Variants in CSMD1 observed in about 807,000 individuals in gnomAD.
CSMD1 encodes the protein CUB and Sushi multiple domains 1, also known as CUB and sushi domain-containing protein 1.
In CSMD1, 213 loss-of-function variants were observed where a neutral mutation model predicts 417.5. The ratio of observed to expected loss-of-function variants is 0.51; its 90% confidence interval spans 0.46 to 0.57. The LOEUF (loss-of-function observed/expected upper bound fraction) is 0.57. Among genes scored for constraint, CSMD1 ranks in the 20% least tolerant of loss-of-function variants. The pLI is 0.00. For synonymous variants in CSMD1, 2,862 were observed against 1,736.8 expected, an observed-to-expected ratio of 1.65 and a Z score of -16.11; for missense variants, 6,923 against 4,529.7, an observed-to-expected ratio of 1.53 and a Z score of -15.17.
chr8:3,187,118 G>C (rs1303333874), intron 36 of CSMD1, among the ~76,000 whole-genome samples: 1 of 152,174 alleles, frequency 6.6e-6, no homozygotes, highest in Non-Finnish European at 1.5e-5. Context: ...AGGAAATGTG[G>C]GCAACTGTGA....
intron 2 of CSMD1, among the ~76,000 whole-genome samples, chr8:4,606,763 T>A (rs1022528354): frequency 3.9e-5 from 6 of 152,204 alleles, no homozygotes; most frequent in African/African-American, 1.4e-4. Flanking sequence ...GAAGGGATAG[T>A]AAATTTTCAA....
intron 5 of CSMD1, among the ~76,000 whole-genome samples, chr8:3,794,238 C>T (rs960030429): frequency 2.0e-5 from 3 of 152,196 alleles, no homozygotes; most frequent in East Asian, 1.9e-4. Context: ...TCCTGTTCTA[C>T]GCAGTTGAGA....
intron 51 of CSMD1, among the ~76,000 whole-genome samples, chr8:3,024,047 A>C (rs932924442): frequency 6.6e-6 from 1 of 152,118 alleles, no homozygotes; most frequent in African/African-American, 2.4e-5. Flanking sequence ...CTTTTAATTA[A>C]GGAATTAAAT....
At chr8:4,104,612 G>C (rs929766906) in intron 3 of CSMD1, among the ~76,000 whole-genome samples, 7 of 151,976 alleles carry the variant, frequency 4.6e-5, no homozygotes, top group East Asian at 1.9e-4. Flanking sequence ...GTCTGAATTA[G>C]AGTGTCTGGA....
rs991804374 is a variant in CSMD1 at position 4,197,868 on chromosome 8, G to C, written c.416-165769C>G. On this transcript the variant is annotated intron_variant, in intron 3 of 69. Coordinates refer to ENST00000635120, the MANE Select transcript of CSMD1 (RefSeq NM_033225.6). Reference sequence around the variant, plus strand: ...CACTCCAGCCTGGGCAACAGAGTAAGACTCCATCTAAAAGTTAAGAAGAAA... The same window carrying C: ...CACTCCAGCCTGGGCAACAGAGTAACACTCCATCTAAAAGTTAAGAAGAAA... Among the ~76,000 whole-genome samples, 12 of 152,106 alleles carry C rather than the reference G, an allele frequency of 7.9e-5. 1 individual carries two copies. The highest frequency in any genetic ancestry group is 1.6e-4 in the Non-Finnish European group (11 of 68,024).
intron 12 of CSMD1, among the ~76,000 whole-genome samples, chr8:3,416,577 G>A (rs1476901161): frequency 6.6e-6 from 1 of 152,206 alleles, no homozygotes; most frequent in African/African-American, 2.4e-5. Context: ...TAGCACGCTT[G>A]CTTGTTTCCT....
chr8:4,779,279 T>G (rs1232767664), intron 1 of CSMD1, among the ~76,000 whole-genome samples: 1 of 151,812 alleles, frequency 6.6e-6, no homozygotes, highest in Non-Finnish European at 1.5e-5. Context: ...CTTCCATGTA[T>G]AGGGGTTTTA....
intron 57 of CSMD1, among the ~76,000 whole-genome samples, chr8:2,969,507 G>C (rs890032120): frequency 6.6e-6 from 1 of 152,062 alleles, no homozygotes; most frequent in Non-Finnish European, 1.5e-5. Context: ...AATTTAAAAA[G>C]ATTTTTCGTT....
intron 26 of CSMD1, among the ~76,000 whole-genome samples, chr8:3,240,318 C>A (rs1311108459): frequency 1.3e-5 from 2 of 151,972 alleles, no homozygotes; most frequent in African/African-American, 4.8e-5. Flanking sequence ...GACTTAGGAT[C>A]TATGGGGTCA....
chr8:4,118,007 A>G (rs1802258665), intron 3 of CSMD1, among the ~76,000 whole-genome samples: 1 of 151,814 alleles, frequency 6.6e-6, no homozygotes, highest in African/African-American at 2.4e-5. Flanking sequence ...GAAATGACAT[A>G]GGTAAAAAAA....
chr8:4,522,276 C>T (rs1480390661), intron 2 of CSMD1, among the ~76,000 whole-genome samples: 5 of 152,190 alleles, frequency 3.3e-5, no homozygotes, highest in East Asian at 1.9e-4. Flanking sequence ...ACTTGCTCCT[C>T]CTTGCCTTCT....
In CSMD1 at chr8:4,108,776, A is replaced by G. The variant is rs115067053; in HGVS notation, c.416-76677T>C. Among the ~76,000 whole-genome samples, 849 of 152,354 alleles carry G rather than the reference A, an allele frequency of 5.6e-3. 7 individuals carry two copies. Among genetic ancestry groups the G allele is most frequent in the African/African-American group, 0.02 (816 of 41,596 alleles). On this transcript the variant is annotated intron_variant, in intron 3 of 69. Coordinates refer to ENST00000635120, the MANE Select transcript of CSMD1 (RefSeq NM_033225.6). ...TTCTAGGCAGCTCATTAAGATCTGA[A>G]ATATCTTGATTCTAAAGCACAAGCT...
At chr8:4,080,284 C>T (rs1800060468) in intron 3 of CSMD1, among the ~76,000 whole-genome samples, 1 of 152,154 alleles carries the variant, frequency 6.6e-6, no homozygotes, top group African/African-American at 2.4e-5. Context: ...CAAGTGCACA[C>T]CACGGTTACA....
rs199588930 is a variant in CSMD1, at chr8:3,387,595, G to A, written c.2681C>T (p.Thr894Ile). The A allele has an allele frequency of 8.0e-5, 128 of 1,601,294 alleles. No homozygotes were observed. The African/African-American group carries it at 1.5e-3, about 19-fold the overall frequency. ...RHGGDFGIRS[T>I]VTFSCDPGYT... is the part of the protein sequence containing the mutation. Reference sequence around the variant, plus strand: ...CCCCGGGTCACAGCTGAAAGTCACTGTGGACCTGATGCCAAAGTCTCCACC... The same window carrying A: ...CCCCGGGTCACAGCTGAAAGTCACTATGGACCTGATGCCAAAGTCTCCACC... Residue 894 changes from threonine (T) to isoleucine (I), a missense_variant, in exon 18 of 70, where the codon ACA becomes ATA. Physicochemically the swap from Thr to Ile is moderately conservative, Grantham distance 89. Transcript: ENST00000635120.
At chr8:3,377,853 T>G (rs776740004) in intron 18 of CSMD1, among the ~76,000 whole-genome samples, 7 of 152,210 alleles carry the variant, frequency 4.6e-5, no homozygotes, top group Non-Finnish European at 8.8e-5. Context: ...ATGTAAAATG[T>G]ATTAGTCTAA....
At chr8:3,852,570 G>C (rs1451958652) in intron 5 of CSMD1, among the ~76,000 whole-genome samples, 2 of 152,132 alleles carry the variant, frequency 1.3e-5, no homozygotes, top group Non-Finnish European at 2.9e-5. Flanking sequence ...AGGAGGGATG[G>C]AGTAGAGGAC....
intron 3 of CSMD1, among the ~76,000 whole-genome samples, chr8:4,111,346 G>A (rs1391219391): frequency 2.0e-5 from 3 of 151,998 alleles, no homozygotes; most frequent in Non-Finnish European, 4.4e-5. Context: ...AAAAGACCTT[G>A]GGAAAAGTTT....
intron 3 of CSMD1, among the ~76,000 whole-genome samples, chr8:4,248,675 T>A (rs1802858583): frequency 6.6e-6 from 1 of 152,146 alleles, no homozygotes; most frequent in Non-Finnish European, 1.5e-5. Flanking sequence ...CAGCCTCCTG[T>A]CCTGCCCTAG....
chr8:3,387,077 G>C (rs998034625), intron 18 of CSMD1, among the ~76,000 whole-genome samples: 2 of 152,186 alleles, frequency 1.3e-5, no homozygotes, highest in Non-Finnish European at 1.5e-5. Flanking sequence ...GGCTCTGCTA[G>C]ACATTCAGTC....
Sources: gnomAD v4.1 joint callset for allele counts (sites outside exome capture counted in the v4.1 genomes callset) on GRCh38, gnomAD v4.1.1 for gene constraint, MANE v1.5 for transcripts, NCBI Gene and HGNC (gene_info 2026-07-23, HGNC 2026-07-21) for gene names.